Variants in FAT3 observed in about 807,000 individuals in gnomAD.
The protein encoded by FAT3 is FAT atypical cadherin 3.
FAT3 carries 95 observed loss-of-function variants against 310.2 expected under a neutral mutation model. That is an observed-to-expected ratio of 0.31 (90% CI 0.26 to 0.36). The LOEUF is 0.36. Among genes scored for constraint, FAT3 ranks in the 10% least tolerant of loss-of-function variants. FAT3 has a pLI of 1.00. For missense variants in FAT3, 5,408 were observed against 5,715.6 expected (o/e 0.95, Z 1.74); for synonymous variants, 2,314 against 2,192.9 (o/e 1.06, Z -1.54).
At position 92,764,913 on chromosome 11, in the gene FAT3, C is replaced by T. The variant is rs547303899; in HGVS notation, c.4019C>T (p.Ser1340Phe). The T allele has an allele frequency of 8.8e-5, 142 of 1,613,808 alleles. 1 individual carries two copies. The South Asian group carries it at 1.5e-3, about 17-fold the overall frequency. ...KAVDNGRPQKSSTARLHIEWI... is the reference protein window; with the variant it reads ...KAVDNGRPQKFSTARLHIEWI... Reference sequence around the variant, plus strand: ...GTGGACAATGGGCGCCCACAGAAATCCTCCACGGCCCGCCTCCACATTGAA... The same window carrying T: ...GTGGACAATGGGCGCCCACAGAAATTCTCCACGGCCCGCCTCCACATTGAA... The change falls in exon 6 of 28, where the codon TCC becomes TTC. Residue 1340 changes from serine (S) to phenylalanine (F), a missense_variant. Coordinates refer to ENST00000525166, the MANE Select transcript of FAT3 (RefSeq NM_001367949.2).
chr11:92,592,401 A>G (rs1016635384), intron 3 of FAT3, among the ~76,000 whole-genome samples: 1 of 139,630 alleles, frequency 7.2e-6, no homozygotes, highest in Non-Finnish European at 1.5e-5. Flanking sequence ...GGCTTACTGC[A>G]ACCTCCACCT....
In FAT3 at chr11:92,244,326, A is replaced by G. The variant is rs539108990; in HGVS notation, c.-18+19152A>G. On this transcript the variant is annotated intron_variant, in intron 1 of 27. Coordinates refer to ENST00000525166, the MANE Select transcript of FAT3 (RefSeq NM_001367949.2). ...CTAGATTGAGTACATAAAAATCCGG[A>G]CTCCCAGTTAAATTTGAAAAACAAC... Among the ~76,000 whole-genome samples the G allele has an allele frequency of 2.8e-4, 43 of 152,090 alleles. 1 individual carries two copies. The highest frequency in any genetic ancestry group is 2.8e-3 in the Admixed American group (43 of 15,252).
At chr11:92,877,723 CT>C (rs1949565974) in intron 22 of FAT3, among the ~76,000 whole-genome samples, 1 of 152,116 alleles carries the variant, frequency 6.6e-6, no homozygotes, top group African/African-American at 2.4e-5. Context: ...TCAATGTGAA[CT>C]AATAAGCAAT....
chr11:92,554,617 G>C (rs1954953329), intron 3 of FAT3, among the ~76,000 whole-genome samples: 2 of 151,934 alleles, frequency 1.3e-5, no homozygotes, highest in African/African-American at 4.8e-5. Context: ...AGCAGTTATA[G>C]CCTAACTCTA....
At position 92,792,959 on chromosome 11, in the gene FAT3, A is replaced by G; in HGVS notation, c.4804A>G (p.Ile1602Val). The G allele has an allele frequency of 5.6e-6, 9 of 1,613,616 alleles. No individual in the cohort carries two copies. The highest frequency in any genetic ancestry group is 6.8e-6 in the Non-Finnish European group (8 of 1,179,682). Residue 1602 changes from isoleucine to valine, a missense_variant, in exon 9 of 28, where the codon ATA (isoleucine) becomes GTA (valine). Ile to Val is a conservative substitution (Grantham distance 29). Transcript: ENST00000525166. Reference protein sequence around the residue: ...DKDKGENAELIYTIEAGNTGN... With the variant: ...DKDKGENAELVYTIEAGNTGN... The stretch of plus-strand genomic sequence containing the variant: ...AGACAAAGGAGAAAATGCAGAACTC[A>G]TATATACCATAGAAGCAGGTGAGAG...
Position 92,801,788 on chromosome 11 carries a change from G to T in FAT3, c.8775G>T (p.Ala2925=), listed in dbSNP as rs769303051. The T allele has an allele frequency of 5.0e-6, 8 of 1,613,794 alleles. No homozygotes were observed. Among genetic ancestry groups the T allele is most frequent in the Non-Finnish European group, 5.9e-6 (7 of 1,179,866 alleles). ...TAAATGACAATGCACCAGTCTTCGC[G>T]CAGGAAGTGTACCGAGGGAATGTGA... is the stretch of plus-strand genomic sequence containing the variant. The part of the protein sequence containing the change: ...TDINDNAPVF[A]QEVYRGNVKE... Residue 2925 remains alanine (A), a synonymous_variant, in exon 10 of 28, where the codon GCG becomes GCT. Coordinates refer to ENST00000525166, the MANE Select transcript of FAT3 (RefSeq NM_001367949.2).
At position 92,835,023 on chromosome 11, in the gene FAT3, G is replaced by A. The variant is rs1264270650; in HGVS notation, c.10025G>A (p.Ser3342Asn). Residue 3342 changes from serine to asparagine, a missense_variant, in exon 15 of 28, where the codon AGC (serine) becomes AAC (asparagine). Coordinates refer to ENST00000525166, the MANE Select transcript of FAT3 (RefSeq NM_001367949.2). Reference protein sequence around the residue: ...TDVNDNPPKFSQDVYSAVISE... With the variant: ...TDVNDNPPKFNQDVYSAVISE... ...GTTAATGACAACCCTCCCAAGTTCA[G>A]CCAAGACGTCTACAGTGCGGTTATC... is the stretch of plus-strand genomic sequence containing the variant. 6.2e-7 allele frequency: 1 copy of A among 1,613,768 alleles called. No individual in the cohort carries two copies. The highest frequency in any genetic ancestry group is 1.1e-5 in the South Asian group (1 of 90,994).
chr11:92,359,345 G>A (rs1406751704), intron 2 of FAT3, among the ~76,000 whole-genome samples: 1 of 152,082 alleles, frequency 6.6e-6, no homozygotes, highest in African/African-American at 2.4e-5. Context: ...TATTAGTGGT[G>A]ATATTTTTCT....
intron 4 of FAT3, among the ~76,000 whole-genome samples, chr11:92,742,112 C>T (rs560946136): frequency 1.3e-5 from 2 of 152,226 alleles, no homozygotes; most frequent in South Asian, 2.1e-4. Flanking sequence ...TTGTCTTATC[C>T]CTCAGAGAGC....
intron 2 of FAT3, among the ~76,000 whole-genome samples, chr11:92,476,151 A>G (rs1429030450): frequency 6.6e-6 from 1 of 151,850 alleles, no homozygotes; most frequent in Non-Finnish European, 1.5e-5. Context: ...GTGGACAGTA[A>G]AGAGGTCTAC....
chr11:92,380,372 G>A (rs1416887435), intron 2 of FAT3, among the ~76,000 whole-genome samples: 13 of 152,044 alleles, frequency 8.6e-5, no homozygotes. Context: ...TGCCTGCCCT[G>A]TCTTCCTCTT....
chr11:92,878,367 A>C (rs535075058), intron 22 of FAT3, among the ~76,000 whole-genome samples: 1 of 152,110 alleles, frequency 6.6e-6, no homozygotes, highest in African/African-American at 2.4e-5. Flanking sequence ...CTAAAAATAG[A>C]AATAAATAAA....
chr11:92,385,714 C>T lies in FAT3; in HGVS notation c.3292+30310C>T, dbSNP rs940434472. 2.0e-5 allele frequency among the ~76,000 whole-genome samples: 3 copies of T among 152,260 alleles called. No individual in the cohort carries two copies. In the South Asian group the frequency reaches 6.2e-4, roughly 32 times the overall value. ...CCTCATCTCATCAGCATTTTCTTAT[C>T]TGTTTTTACATTTTCATTATAATGT... On this transcript the variant is annotated intron_variant, in intron 2 of 27. Transcript: ENST00000525166.
intron 9 of FAT3, among the ~76,000 whole-genome samples, chr11:92,793,696 A>G (rs1402911427): frequency 6.6e-6 from 1 of 152,202 alleles, no homozygotes; most frequent in Non-Finnish European, 1.5e-5. Flanking sequence ...TATCTGCTCT[A>G]TGTTCTCCTC....
intron 1 of FAT3, chr11:92,314,320 A>G (rs1947380612): frequency 5.1e-6 from 5 of 975,128 alleles, no homozygotes; most frequent in Middle Eastern, 1.1e-3. Context: ...CAGGTATGCA[A>G]CTTAAACAAA....
chr11:92,853,610 G>A (rs1948890128), intron 19 of FAT3, among the ~76,000 whole-genome samples: 1 of 152,192 alleles, frequency 6.6e-6, no homozygotes, highest in Admixed American at 6.5e-5. Flanking sequence ...GTGGAGAGGA[G>A]CTTCACTGAG....
chr11:92,397,449 A>G (rs1001125158), intron 2 of FAT3, among the ~76,000 whole-genome samples: 2 of 152,138 alleles, frequency 1.3e-5, no homozygotes, highest in African/African-American at 4.8e-5. Context: ...CCCCATCTAG[A>G]TGGAGTTCCC....
chr11:92,600,009 A>G (rs1257120355), intron 3 of FAT3, among the ~76,000 whole-genome samples: 2 of 152,224 alleles, frequency 1.3e-5, no homozygotes, highest in African/African-American at 2.4e-5. Context: ...TGAGGGAGAT[A>G]GGTTGTTGGC....
chr11:92,261,543 A>C (rs1865554325), intron 1 of FAT3, among the ~76,000 whole-genome samples: 1 of 152,116 alleles, frequency 6.6e-6, no homozygotes, highest in Admixed American at 6.6e-5. Context: ...TTTCTTATAT[A>C]TAGAATTTCT....
Sources: allele counts gnomAD v4.1 joint callset (sites outside exome capture counted in the v4.1 genomes callset), GRCh38; gene constraint gnomAD v4.1.1; transcripts MANE v1.5; gene names NCBI Gene and HGNC (gene_info 2026-07-23, HGNC 2026-07-21).